ZBTB8OS: variants seen among roughly 807,000 people sequenced by gnomAD.
ZBTB8OS encodes tRNA splicing ligase complex subunit 1, also known as tRNA-splicing ligase-activating factor archease.
Under a neutral mutation model 29.3 loss-of-function variants are expected in ZBTB8OS, and 16 were observed. The ratio of observed to expected loss-of-function variants is 0.55; its 90% CI spans 0.37 to 0.83. The LOEUF (loss-of-function observed/expected upper bound fraction) is 0.83, where lower values mean the gene tolerates loss of function less well. ZBTB8OS is among the 40% of genes least tolerant of loss of function. ZBTB8OS has a pLI of 0.00. For missense variants in ZBTB8OS, 160 were observed against 196.9 expected (o/e 0.81, Z 1.12); for synonymous variants, 70 against 64.6 (o/e 1.08, Z -0.40).
intron 1 of ZBTB8OS, among the ~76,000 whole-genome samples, chr1:32,643,780 C>G (rs1340252105): frequency 6.6e-6 from 1 of 151,616 alleles, no homozygotes; most frequent in Non-Finnish European, 1.5e-5. Flanking sequence ...CAGGCGTGAG[C>G]CACCATGCCT....
In ZBTB8OS at chr1:32,647,834, G is replaced by A. The variant is rs146710313; in HGVS notation, c.97+2599C>T. 2.5e-3 allele frequency among the ~76,000 whole-genome samples: 388 copies of A among 152,190 alleles called. 2 individuals carry two copies. In the Middle Eastern group the frequency reaches 0.027, roughly 11 times the overall value. The stretch of plus-strand genomic sequence containing the variant: ...TAATTATTTCATTATATATTACAAC[G>A]TAATAATAATAGAAATAAAATGCAC... On this transcript the variant is annotated intron_variant, in intron 1 of 6. Transcript: ENST00000468695.
chr1:32,623,679 C>G (rs1237256158), intron 6 of ZBTB8OS, among the ~76,000 whole-genome samples: 1 of 152,148 alleles, frequency 6.6e-6, no homozygotes, highest in Non-Finnish European at 1.5e-5. Context: ...ACCTTGTCTC[C>G]TACTATTACA....
intron 1 of ZBTB8OS, among the ~76,000 whole-genome samples, chr1:32,641,231 C>G (rs2148430347): frequency 6.7e-6 from 1 of 148,212 alleles, no homozygotes; most frequent in South Asian, 2.1e-4. Flanking sequence ...CCATGAAAAA[C>G]GGACCTAGTT....
chr1:32,636,378 T>A (rs539694145), intron 1 of ZBTB8OS, among the ~76,000 whole-genome samples: 2 of 152,076 alleles, frequency 1.3e-5, no homozygotes, highest in African/African-American at 4.8e-5. Context: ...AGTTAACCCA[T>A]TGGGCGGTTA....
intron 5 of ZBTB8OS, among the ~76,000 whole-genome samples, chr1:32,630,418 T>C (rs1229041233): frequency 6.6e-6 from 1 of 151,694 alleles, no homozygotes; most frequent in Admixed American, 6.6e-5. Flanking sequence ...CTGGGCATGG[T>C]AGTGCGCACC....
Position 32,629,139 on chromosome 1 carries a change from G to A in ZBTB8OS, c.381-1595C>T, listed in dbSNP as rs116400555. On this transcript the variant is annotated intron_variant, in intron 5 of 6. Coordinates refer to ENST00000468695, the MANE Select transcript of ZBTB8OS (RefSeq NM_178547.5). ...GAAACTAGTTAAGTAGGCTGGGTGC[G>A]GTGGCTCACACCTGTAATCTCAGCA... is the stretch of plus-strand genomic sequence containing the variant. 3.5e-3 allele frequency among the ~76,000 whole-genome samples: 533 copies of A among 151,530 alleles called. 5 individuals are homozygous for A. Among genetic ancestry groups the A allele is most frequent in the African/African-American group, 0.012 (514 of 41,298 alleles).
chr1:32,624,370 G>A (rs12145861), intron 6 of ZBTB8OS, among the ~76,000 whole-genome samples: 5 of 151,982 alleles, frequency 3.3e-5, no homozygotes, highest in Non-Finnish European at 7.4e-5. Context: ...CAGAGACTTC[G>A]CTTATCCTAT....
At chr1:32,641,380 T>G (rs1381132732) in intron 1 of ZBTB8OS, among the ~76,000 whole-genome samples, 7 of 147,954 alleles carry the variant, frequency 4.7e-5, no homozygotes, top group Non-Finnish European at 7.4e-5. Flanking sequence ...TTCAAACAAT[T>G]CTCCTGCCTC....
At chr1:32,631,154 G>A (rs904080326) in intron 5 of ZBTB8OS, among the ~76,000 whole-genome samples, 1 of 151,884 alleles carries the variant, frequency 6.6e-6, no homozygotes, top group African/African-American at 2.4e-5. Context: ...CCAGGAGTTT[G>A]AGACCAGCCT....
At chr1:32,644,909 G>A (rs912523768) in intron 1 of ZBTB8OS, among the ~76,000 whole-genome samples, 5 of 151,898 alleles carry the variant, frequency 3.3e-5, no homozygotes, top group African/African-American at 9.7e-5. Context: ...AGCCAGACAC[G>A]GTGGCTCACG....
intron 6 of ZBTB8OS, among the ~76,000 whole-genome samples, chr1:32,622,762 A>T (rs75256856): frequency 1.9e-5 from 2 of 103,540 alleles, no homozygotes; most frequent in South Asian, 2.6e-4. Flanking sequence ...GAGGATGATT[A>T]AAAAAAAAAA....
In ZBTB8OS at chr1:32,650,503, T is replaced by G. The variant is rs758800199; in HGVS notation, c.27A>C (p.Arg9Ser). Residue 9 changes from arginine to serine, a missense_variant, in exon 1 of 7, where the codon AGA (arginine) becomes AGC (serine). Arg to Ser is a moderately radical substitution (Grantham distance 110). Coordinates refer to ENST00000468695, the MANE Select transcript of ZBTB8OS (RefSeq NM_178547.5). ...TCTGTTCTTCAGTCAAATTGTAATC[T>G]CTAACATCTTCCTCTTCCTGCGCCA... MAQEEEDV[R>S]DYNLTEEQKA... The G allele has an allele frequency of 1.2e-6, 2 of 1,614,172 alleles. No individual in the cohort carries two copies. Among genetic ancestry groups the G allele is most frequent in the East Asian group, 2.2e-5 (1 of 44,882 alleles).
At chr1:32,627,050 G>A in intron 6 of ZBTB8OS, among the ~76,000 whole-genome samples, 1 of 152,026 alleles carries the variant, frequency 6.6e-6, no homozygotes, top group Non-Finnish European at 1.5e-5. Flanking sequence ...CTGTCATTCT[G>A]GGCCCACAAA....
At chr1:32,641,546 A>G (rs555137910) in intron 1 of ZBTB8OS, among the ~76,000 whole-genome samples, 1 of 142,570 alleles carries the variant, frequency 7.0e-6, no homozygotes, top group South Asian at 2.6e-4. Context: ...TGCTGGGATT[A>G]CAGGCATGAG....
chr1:32,639,263 A>T (rs1024344997), intron 1 of ZBTB8OS, among the ~76,000 whole-genome samples: 13 of 151,098 alleles, frequency 8.6e-5, no homozygotes, highest in Admixed American at 3.3e-4. Context: ...ATGCCACTGC[A>T]CTCCAGCCTG....
At chr1:32,627,880 A>T (rs1044834214) in intron 5 of ZBTB8OS, 12 of 204,832 alleles carry the variant, frequency 5.9e-5, no homozygotes, top group Admixed American at 1.7e-4. Flanking sequence ...ACACAAAATT[A>T]AAAAAATAAA....
chr1:32,639,824 T>G (rs1646264270), intron 1 of ZBTB8OS: 1 of 152,184 alleles, frequency 6.6e-6, no homozygotes. Flanking sequence ...TTTACATTTT[T>G]TCAAATATTT....
chr1:32,637,314 A>G (rs1646045132), intron 1 of ZBTB8OS, among the ~76,000 whole-genome samples: 1 of 152,178 alleles, frequency 6.6e-6, no homozygotes, highest in Non-Finnish European at 1.5e-5. Flanking sequence ...CTGTAATCCC[A>G]ACACTTGGGG....
chr1:32,646,046 G>A (rs1326460174), intron 1 of ZBTB8OS, among the ~76,000 whole-genome samples: 1 of 152,150 alleles, frequency 6.6e-6, no homozygotes, highest in Admixed American at 6.6e-5. Context: ...TTGGCTGGGT[G>A]CAGTGCCTCA....
Sources: gnomAD v4.1 joint callset for allele counts (sites outside exome capture counted in the v4.1 genomes callset) on GRCh38, gnomAD v4.1.1 for gene constraint, MANE v1.5 for transcripts, NCBI Gene and HGNC (gene_info 2026-07-23, HGNC 2026-07-21) for gene names.